DDX10: variants seen among roughly 807,000 people sequenced by gnomAD.
DDX10 encodes probable ATP-dependent RNA helicase DDX10.
In DDX10, 74 loss-of-function variants were observed where a neutral mutation model predicts 104.3. The observed-to-expected ratio is 0.71, with a 90% CI of 0.59 to 0.86. The LOEUF is 0.86. Among genes scored for constraint, DDX10 ranks in the 40% least tolerant of loss-of-function variants. The pLI is 0.00. For missense variants in DDX10, 952 were observed against 1,040.0 expected (o/e 0.92, Z 1.16); for synonymous variants, 351 against 353.4 (o/e 0.99, Z 0.08).
intron 13 of DDX10, among the ~76,000 whole-genome samples, chr11:108,805,641 T>C (rs1862087770): frequency 6.6e-6 from 1 of 152,208 alleles, no homozygotes; most frequent in Admixed American, 6.5e-5. Context: ...TGAGTTGATA[T>C]CACAAATTTA....
intron 16 of DDX10, among the ~76,000 whole-genome samples, chr11:108,900,119 A>C (rs530897333): frequency 7.2e-4 from 110 of 152,050 alleles, no homozygotes; most frequent in Non-Finnish European, 1.4e-3. Context: ...TCTCAAAAAA[A>C]AAAAAAGTGT....
chr11:108,675,740 C>T lies in DDX10; in HGVS notation c.378+14C>T, dbSNP rs761363555. ...TTTCTTGTTCCAGTAAGTACATTGTCATTGGGTCAGACTGTCTGTTATACA... is the reference window on the plus strand; with the variant it reads ...TTTCTTGTTCCAGTAAGTACATTGTTATTGGGTCAGACTGTCTGTTATACA... On this transcript the variant is annotated intron_variant, in intron 3 of 17. Coordinates refer to ENST00000322536, the MANE Select transcript of DDX10 (RefSeq NM_004398.4). 4 of 1,613,698 alleles carry T rather than the reference C, an allele frequency of 2.5e-6. No homozygotes were observed. Among genetic ancestry groups the T allele is most frequent in the East Asian group, 2.2e-5 (1 of 44,880 alleles).
intron 16 of DDX10, among the ~76,000 whole-genome samples, chr11:108,855,004 G>A (rs1415756600): frequency 6.6e-6 from 1 of 152,162 alleles, no homozygotes; most frequent in Non-Finnish European, 1.5e-5. Flanking sequence ...GGGAATGGAA[G>A]ATAAATACGA....
chr11:108,769,123 C>G (rs752374787), intron 13 of DDX10, among the ~76,000 whole-genome samples: 9 of 151,434 alleles, frequency 5.9e-5, no homozygotes, highest in African/African-American at 9.7e-5. Flanking sequence ...TACATAGTCA[C>G]TGATTGGGAT....
intron 16 of DDX10, among the ~76,000 whole-genome samples, chr11:108,904,505 G>A (rs1329826144): frequency 1.3e-5 from 2 of 152,102 alleles, no homozygotes; most frequent in African/African-American, 4.8e-5. Flanking sequence ...ATTTTAAATT[G>A]CTGTTTATTT....
chr11:108,743,047 C>T (rs1361575094), intron 13 of DDX10, among the ~76,000 whole-genome samples: 8 of 152,136 alleles, frequency 5.3e-5, no homozygotes, highest in Non-Finnish European at 4.4e-5. Flanking sequence ...CAGTATCATC[C>T]TGATACCAAA....
intron 8 of DDX10, 103 bp downstream of exon 8, chr11:108,692,141 T>C (rs1401256790): frequency 2.8e-6 from 3 of 1,067,980 alleles, no homozygotes; most frequent in East Asian, 5.2e-5. Flanking sequence ...CTTGGGTTTC[T>C]TTTCTTATTT....
chr11:108,796,236 C>CATCA (rs1861939544), intron 13 of DDX10, among the ~76,000 whole-genome samples: 1 of 152,164 alleles, frequency 6.6e-6, no homozygotes, highest in African/African-American at 2.4e-5. Flanking sequence ...GGAGAAAAGA[C>CATCA]ATCAGTTTTA....
intron 16 of DDX10, among the ~76,000 whole-genome samples, chr11:108,913,592 G>A (rs1200031814): frequency 5.9e-5 from 9 of 152,096 alleles, no homozygotes; most frequent in Admixed American, 6.6e-5. Context: ...AATAAAATGG[G>A]AGACAGGTTT....
intron 9 of DDX10, among the ~76,000 whole-genome samples, chr11:108,706,164 G>T (rs1038970381): frequency 2.0e-5 from 3 of 151,970 alleles, no homozygotes; most frequent in Non-Finnish European, 2.9e-5. Flanking sequence ...TAGAGACAGG[G>T]TTTCACCACG....
chr11:108,842,723 A>G (rs966337007), intron 15 of DDX10, among the ~76,000 whole-genome samples: 1 of 152,240 alleles, frequency 6.6e-6, no homozygotes, highest in Non-Finnish European at 1.5e-5. Context: ...TAGTGCAGCA[A>G]TTAAATTGAA....
chr11:108,775,767 A>G (rs928317666), intron 13 of DDX10, among the ~76,000 whole-genome samples: 4 of 152,146 alleles, frequency 2.6e-5, no homozygotes, highest in African/African-American at 9.7e-5. Flanking sequence ...ATTTTGAGGC[A>G]TACTTTACAT....
chr11:108,899,879 T>G (rs1863492584), intron 16 of DDX10, among the ~76,000 whole-genome samples: 1 of 152,158 alleles, frequency 6.6e-6, no homozygotes, highest in East Asian at 1.9e-4. Context: ...TTTGGAAGGC[T>G]GAGATGGGTT....
intron 14 of DDX10, 36 bp from the exon 15 acceptor site, chr11:108,841,279 A>T: frequency 6.3e-7 from 1 of 1,590,206 alleles, no homozygotes; most frequent in Non-Finnish European, 8.6e-7. Flanking sequence ...GGTATTCCCT[A>T]CTTCCTGTTG....
chr11:108,868,643 A>G (rs142276840), intron 16 of DDX10, among the ~76,000 whole-genome samples: 1 of 152,180 alleles, frequency 6.6e-6, no homozygotes, highest in East Asian at 1.9e-4. Flanking sequence ...GGATTATTTT[A>G]TGGAGAGGCA....
At chr11:108,901,586 A>G (rs1336373195) in intron 16 of DDX10, among the ~76,000 whole-genome samples, 1 of 152,186 alleles carries the variant, frequency 6.6e-6, no homozygotes, top group Non-Finnish European at 1.5e-5. Context: ...TCTATAAATA[A>G]AGACTTCAGA....
At chr11:108,901,479 A>G (rs1415108538) in intron 16 of DDX10, among the ~76,000 whole-genome samples, 2 of 152,220 alleles carry the variant, frequency 1.3e-5, no homozygotes, top group Non-Finnish European at 2.9e-5. Context: ...TGAGCAGTAT[A>G]TATGAGCCTA....
intron 17 of DDX10, among the ~76,000 whole-genome samples, chr11:108,929,020 T>TGG (rs1863943081): frequency 6.6e-6 from 1 of 152,220 alleles, no homozygotes; most frequent in Non-Finnish European, 1.5e-5. Flanking sequence ...CATAGCCTAT[T>TGG]CAAAATATGG....
chr11:108,837,165 C>T (rs1017839585), intron 13 of DDX10, among the ~76,000 whole-genome samples: 7 of 152,170 alleles, frequency 4.6e-5, no homozygotes, highest in African/African-American at 1.7e-4. Flanking sequence ...CTCCCAATAA[C>T]TGTATGAGGT....
Sources: gnomAD v4.1 joint callset for allele counts (sites outside exome capture counted in the v4.1 genomes callset) on GRCh38, gnomAD v4.1.1 for gene constraint, MANE v1.5 for transcripts, NCBI Gene and HGNC (gene_info 2026-07-23, HGNC 2026-07-21) for gene names.